The following TOX3 variants were observed in gnomAD, a reference collection of about 807,000 sequenced individuals.
TOX3 encodes CAG trinucleotide repeat-containing gene F9 protein.
A neutral mutation model predicts 64.3 loss-of-function variants in TOX3; 22 were observed. The observed-to-expected ratio is 0.34, with a 90% CI of 0.24 to 0.49. The LOEUF (loss-of-function observed/expected upper bound fraction) is 0.49, where lower values mean the gene tolerates loss of function less well. Among genes scored for constraint, TOX3 ranks in the 20% least tolerant of loss-of-function variants. TOX3 has a pLI of 0.99. For synonymous variants in TOX3, 291 were observed against 273.6 expected, an observed-to-expected ratio of 1.06 and a Z score of -0.63; for missense variants, 661 against 714.4, an observed-to-expected ratio of 0.93 and a Z score of 0.85.
intron 3 of TOX3, among the ~76,000 whole-genome samples, chr16:52,456,025 C>G (rs1357800931): frequency 6.6e-6 from 1 of 152,130 alleles, no homozygotes; most frequent in Non-Finnish European, 1.5e-5. Context: ...GGCAAACATA[C>G]TGCCGATAAG....
Position 52,468,044 on chromosome 16 carries a change from C to T in TOX3, c.153+465G>A, listed in dbSNP as rs142774596. Among the ~76,000 whole-genome samples, 338 of 152,230 alleles carry T rather than the reference C, an allele frequency of 2.2e-3. 1 individual carries two copies. The highest frequency in any genetic ancestry group is 8.0e-3 in the African/African-American group (332 of 41,538). On this transcript the variant is annotated intron_variant, in intron 2 of 6. Transcript: ENST00000219746. ...ACACTCATTTCACATCACCCCAAGCCCCAGGAAACTATAATACTCTTCTGT... is the reference window on the plus strand; with the variant it reads ...ACACTCATTTCACATCACCCCAAGCTCCAGGAAACTATAATACTCTTCTGT...
chr16:52,487,030 G>T (rs1476349525), intron 1 of TOX3, among the ~76,000 whole-genome samples: 1 of 152,106 alleles, frequency 6.6e-6, no homozygotes, highest in Non-Finnish European at 1.5e-5. Context: ...TAAGCATTAT[G>T]CCCCTAGCAT....
At chr16:52,506,623 A>G (rs2151468331) in intron 1 of TOX3, among the ~76,000 whole-genome samples, 1 of 152,276 alleles carries the variant, frequency 6.6e-6, no homozygotes, top group South Asian at 2.1e-4. Context: ...CATAACCACA[A>G]GCTTATTGGT....
chr16:52,523,937 T>C (rs914808523), intron 1 of TOX3, among the ~76,000 whole-genome samples: 16 of 152,328 alleles, frequency 1.1e-4, no homozygotes, highest in South Asian at 2.1e-4. Flanking sequence ...ATATTTTTTT[T>C]CCCTGGAAGA....
intron 1 of TOX3, among the ~76,000 whole-genome samples, chr16:52,526,022 C>T (rs1471819329): frequency 6.6e-6 from 1 of 152,140 alleles, no homozygotes; most frequent in Non-Finnish European, 1.5e-5. Flanking sequence ...TAAGAATTTC[C>T]CACTGCCTTT....
chr16:52,445,539 T>A (rs1294561190), intron 5 of TOX3: 1 of 153,444 alleles, frequency 6.5e-6, no homozygotes, highest in African/African-American at 2.4e-5. Context: ...AAATTTCAAA[T>A]GCCCGGTGAC....
At chr16:52,485,273 C>T (rs79950705) in intron 1 of TOX3, among the ~76,000 whole-genome samples, 2,613 of 103,040 alleles carry the variant, frequency 0.025, 93 homozygotes, top group African/African-American at 0.11. Flanking sequence ...TATATATATA[C>T]ATATCTCCCA....
intron 1 of TOX3, among the ~76,000 whole-genome samples, chr16:52,527,660 T>TATTCTGGGGAACA (rs1228576194): frequency 6.6e-6 from 1 of 152,178 alleles, no homozygotes; most frequent in Non-Finnish European, 1.5e-5. Context: ...TACCTACTCC[T>TATTCTGGGGAACA]CAGAATGAGT....
chr16:52,461,517 A>G (rs1477534814), intron 3 of TOX3, among the ~76,000 whole-genome samples: 1 of 152,140 alleles, frequency 6.6e-6, no homozygotes, highest in East Asian at 1.9e-4. Context: ...GCAGCTAATC[A>G]GTAATGTGAC....
At chr16:52,515,542 T>C (rs1243190818) in intron 1 of TOX3, among the ~76,000 whole-genome samples, 2 of 152,240 alleles carry the variant, frequency 1.3e-5, no homozygotes, top group East Asian at 1.9e-4. Context: ...CCTCTCCTGA[T>C]GTTACGCTTT....
chr16:52,530,461 C>A (rs753134225), intron 1 of TOX3, among the ~76,000 whole-genome samples: 2 of 151,944 alleles, frequency 1.3e-5, no homozygotes, highest in Non-Finnish European at 2.9e-5. Flanking sequence ...CTCAATCTCC[C>A]GAGTAGCTGG....
chr16:52,507,967 C>G (rs1962205779), intron 1 of TOX3, among the ~76,000 whole-genome samples: 4 of 152,136 alleles, frequency 2.6e-5, no homozygotes. Flanking sequence ...GATGTTTGCA[C>G]AACTATAACA....
chr16:52,503,436 T>G (rs1962060260), intron 1 of TOX3, among the ~76,000 whole-genome samples: 1 of 152,248 alleles, frequency 6.6e-6, no homozygotes, highest in Non-Finnish European at 1.5e-5. Context: ...ACCTACCTTA[T>G]TATAGCAATT....
At chr16:52,529,133 AATG>A (rs1372534629) in intron 1 of TOX3, among the ~76,000 whole-genome samples, 1 of 152,180 alleles carries the variant, frequency 6.6e-6, no homozygotes, top group Non-Finnish European at 1.5e-5. Flanking sequence ...ATACTTTTTG[AATG>A]ATAAGAGAGT....
chr16:52,525,782 T>G (rs539584160), intron 1 of TOX3, among the ~76,000 whole-genome samples: 1 of 152,324 alleles, frequency 6.6e-6, no homozygotes, highest in Non-Finnish European at 1.5e-5. Context: ...GCAGTGATAA[T>G]GCACTTTAAT....
rs532548753 is a variant in TOX3 at position 52,495,709 on chromosome 16, T to A, written c.88-27135A>T. Among the ~76,000 whole-genome samples, 6 of 152,234 alleles carry A rather than the reference T, an allele frequency of 3.9e-5. No homozygotes were observed. In the South Asian group the frequency reaches 1.2e-3, roughly 32 times the overall value. ...ACACACAACTCATGCCTTTCCAGAG[T>A]ACAGTTAACACATATACAACCTCCA... is the stretch of plus-strand genomic sequence containing the variant. On this transcript the variant is annotated intron_variant, in intron 1 of 6. Transcript: ENST00000219746.
In TOX3 at chr16:52,531,183, T is replaced by C. The variant is rs1962845117; in HGVS notation, c.87+15454A>G. Among the ~76,000 whole-genome samples, 3 of 152,176 alleles carry C rather than the reference T, an allele frequency of 2.0e-5. 1 individual carries two copies. In the South Asian group the frequency reaches 6.2e-4, roughly 32 times the overall value. ...GGCTTTTATGCCACCAAGAAAGTTA[T>C]TTATTATAAACAATGGGTTTTGAGT... On this transcript the variant is annotated intron_variant, in intron 1 of 6. Transcript: ENST00000219746.
chr16:52,540,467 C>A (rs1963054450), intron 1 of TOX3, among the ~76,000 whole-genome samples: 1 of 152,132 alleles, frequency 6.6e-6, no homozygotes, highest in South Asian at 2.1e-4. Flanking sequence ...GACTTTCCAA[C>A]AGCCTTCTTC....
At chr16:52,440,752 CTTT>C (rs60615310) in intron 6 of TOX3, among the ~76,000 whole-genome samples, 5 of 66,602 alleles carry the variant, frequency 7.5e-5, no homozygotes, top group African/African-American at 1.5e-4. Flanking sequence ...TTCTTTCTTT[CTTT>C]TTTTTTTTTT....
Sources: allele counts gnomAD v4.1 joint callset (sites outside exome capture counted in the v4.1 genomes callset), GRCh38; gene constraint gnomAD v4.1.1; transcripts MANE v1.5; gene names NCBI Gene and HGNC (gene_info 2026-07-23, HGNC 2026-07-21).